Variants in PRIMA1 observed in about 807,000 individuals in gnomAD.
PRIMA1 encodes proline-rich membrane anchor 1.
A neutral mutation model predicts 17.5 loss-of-function variants in PRIMA1; 7 were observed. That is an observed-to-expected ratio of 0.40 (90% confidence interval 0.23 to 0.75). The LOEUF (loss-of-function observed/expected upper bound fraction) is 0.75, where lower values mean the gene tolerates loss of function less well. Ranked by LOEUF, PRIMA1 falls within the 30% of genes least tolerant of loss-of-function variation. The pLI is 0.37. For missense variants in PRIMA1, 200 were observed against 201.8 expected (o/e 0.99, Z 0.05); for synonymous variants, 97 against 77.9 (o/e 1.25, Z -1.29).
At chr14:93,745,233 C>T (rs150379574) in intron 3 of PRIMA1, among the ~76,000 whole-genome samples, 9 of 152,282 alleles carry the variant, frequency 5.9e-5, no homozygotes, top group Admixed American at 2.0e-4. Context: ...ATATGCATAA[C>T]GCCTTGGTCA....
intron 3 of PRIMA1, among the ~76,000 whole-genome samples, chr14:93,739,114 A>C (rs7153800): frequency 0.68 from 103,052 of 151,138 alleles, 36,952 homozygotes; most frequent in Non-Finnish European, 0.81. Context: ...GTGCAGTGGC[A>C]CGATCTCAGC....
At chr14:93,761,823 C>T (rs992856720) in intron 3 of PRIMA1, among the ~76,000 whole-genome samples, 12 of 152,344 alleles carry the variant, frequency 7.9e-5, no homozygotes, top group African/African-American at 2.9e-4. Flanking sequence ...TCCCGCTGGA[C>T]ACCCAGATTC....
chr14:93,787,020 T>G (rs965452111), intron 2 of PRIMA1, among the ~76,000 whole-genome samples: 2 of 133,708 alleles, frequency 1.5e-5, no homozygotes, highest in African/African-American at 5.9e-5. Context: ...CGATGCGCAT[T>G]CTGGGGGGGA....
chr14:93,766,310 G>A (rs2141183727), intron 3 of PRIMA1, among the ~76,000 whole-genome samples: 1 of 152,314 alleles, frequency 6.6e-6, no homozygotes, highest in Admixed American at 6.5e-5. Flanking sequence ...AAAGACCTGG[G>A]TCTGGGTCCC....
At chr14:93,762,210 C>T (rs11848739) in intron 3 of PRIMA1, among the ~76,000 whole-genome samples, 20,895 of 152,208 alleles carry the variant, frequency 0.14, 2,338 homozygotes, top group African/African-American at 0.31. Flanking sequence ...GAAGCTCTCT[C>T]GACTTTGCAC....
rs148248935 is a variant in PRIMA1 at position 93,770,897 on chromosome 14, C to A, written c.229+8279G>T. Among the ~76,000 whole-genome samples, 407 of 152,286 alleles carry A rather than the reference C, an allele frequency of 2.7e-3. 1 individual carries two copies. Among genetic ancestry groups the A allele is most frequent in the Non-Finnish European group, 4.0e-3 (272 of 68,036 alleles). ...TACGGAGGACTCATGACATGCCAGGCACGTGCTAAATATCTGGGGCTATCA... is the reference window on the plus strand; with the variant it reads ...TACGGAGGACTCATGACATGCCAGGAACGTGCTAAATATCTGGGGCTATCA... On this transcript the variant is annotated intron_variant, in intron 3 of 4. Coordinates refer to ENST00000393140, the MANE Select transcript of PRIMA1 (RefSeq NM_178013.4).
rs916993570 is a variant in PRIMA1, at chr14:93,720,339, C to T, written c.*1105G>A. 8.5e-5 allele frequency: 13 copies of T among 152,274 alleles called. No individual in the cohort carries two copies. Among genetic ancestry groups the T allele is most frequent in the Non-Finnish European group, 1.8e-4 (12 of 68,060 alleles). 9.4% of individuals were successfully genotyped at this position (152,274 alleles called of 1,614,324 possible). On this transcript the variant is annotated 3_prime_UTR_variant, in exon 5 of 5. Transcript: ENST00000393140. ...TTCATCCCTTGATCCTCCAACCACGCTGGAGGGCTCAGCGCTTCTATAGCA... is the reference window on the plus strand; with the variant it reads ...TTCATCCCTTGATCCTCCAACCACGTTGGAGGGCTCAGCGCTTCTATAGCA...
At chr14:93,763,327 G>C (rs1884791794) in intron 3 of PRIMA1, among the ~76,000 whole-genome samples, 1 of 152,092 alleles carries the variant, frequency 6.6e-6, no homozygotes, top group Non-Finnish European at 1.5e-5. Flanking sequence ...GGGGGTCCCT[G>C]GTCATCTCTG....
At chr14:93,783,476 G>A (rs1466374996) in intron 2 of PRIMA1, among the ~76,000 whole-genome samples, 3 of 151,990 alleles carry the variant, frequency 2.0e-5, no homozygotes, top group Non-Finnish European at 4.4e-5. Context: ...CCAATAGAGA[G>A]GAAGCCTCGG....
At chr14:93,779,714 C>T (rs985400696) in intron 2 of PRIMA1, among the ~76,000 whole-genome samples, 15 of 152,168 alleles carry the variant, frequency 9.9e-5, no homozygotes, top group African/African-American at 3.1e-4. Flanking sequence ...TAAGCCCAAC[C>T]GCTTCTCCTG....
intron 3 of PRIMA1, among the ~76,000 whole-genome samples, chr14:93,775,058 C>T (rs2141190422): frequency 6.6e-6 from 1 of 152,342 alleles, no homozygotes; most frequent in East Asian, 1.9e-4. Context: ...TGGATAAGTC[C>T]CTGTGTGACT....
chr14:93,754,876 C>T (rs2076281437), intron 3 of PRIMA1, among the ~76,000 whole-genome samples: 1 of 152,134 alleles, frequency 6.6e-6, no homozygotes, highest in African/African-American at 2.4e-5. Flanking sequence ...GTCATACAGA[C>T]AGGGTGACGC....
intron 3 of PRIMA1, among the ~76,000 whole-genome samples, chr14:93,752,869 C>T (rs985617404): frequency 2.0e-5 from 3 of 152,208 alleles, no homozygotes; most frequent in Admixed American, 6.5e-5. Flanking sequence ...GAGTGGTGAC[C>T]TTGGGCTAGG....
chr14:93,754,375 T>A (rs1175683136), intron 3 of PRIMA1, among the ~76,000 whole-genome samples: 1 of 149,262 alleles, frequency 6.7e-6, no homozygotes, highest in African/African-American at 2.4e-5. Context: ...GCTACTAGAT[T>A]TTTAGCAGCA....
At position 93,758,561 on chromosome 14, in the gene PRIMA1, T is replaced by C. The variant is rs1009095622; in HGVS notation, c.229+20615A>G. Among the ~76,000 whole-genome samples the C allele has an allele frequency of 1.1e-4, 15 of 135,552 alleles. 2 individuals carry two copies. Among genetic ancestry groups the C allele is most frequent in the Admixed American group, 1.1e-3 (13 of 12,064 alleles). 88.9% of individuals were successfully genotyped at this position (135,552 alleles called of 152,430 possible). On this transcript the variant is annotated intron_variant, in intron 3 of 4. Transcript: ENST00000393140. Reference sequence around the variant, plus strand: ...TTGCAGTGAGCCAAGATTGCACCACTGCACTCCAGCGTGGGCAACAGAGCA... The same window carrying C: ...TTGCAGTGAGCCAAGATTGCACCACCGCACTCCAGCGTGGGCAACAGAGCA...
chr14:93,748,501 C>A (rs913522470), intron 3 of PRIMA1, among the ~76,000 whole-genome samples: 1 of 152,160 alleles, frequency 6.6e-6, no homozygotes, highest in Admixed American at 6.5e-5. Context: ...CTGAGCCCGA[C>A]AGGGTGCAGG....
At position 93,763,009 on chromosome 14, in the gene PRIMA1, C is replaced by T. The variant is rs536371341; in HGVS notation, c.229+16167G>A. 3.3e-5 allele frequency among the ~76,000 whole-genome samples: 5 copies of T among 152,310 alleles called. No homozygotes were observed. In the East Asian group the frequency reaches 9.7e-4, roughly 29 times the overall value. ...CTTCAGATTGCCACCTGACCCGACC[C>T]CAGCTTGTTCTGCTGCATGCTTCCT... On this transcript the variant is annotated intron_variant, in intron 3 of 4. Transcript: ENST00000393140.
At chr14:93,741,547 G>A (rs1316902772) in intron 3 of PRIMA1, among the ~76,000 whole-genome samples, 1 of 152,244 alleles carries the variant, frequency 6.6e-6, no homozygotes, top group Admixed American at 6.5e-5. Context: ...GGATCTGGGA[G>A]TACAAAGATA....
chr14:93,768,684 G>A (rs1452094063), intron 3 of PRIMA1, among the ~76,000 whole-genome samples: 1 of 152,086 alleles, frequency 6.6e-6, no homozygotes, highest in African/African-American at 2.4e-5. Context: ...ATTAAAATAT[G>A]TATAAACTTG....
Sources: allele counts gnomAD v4.1 joint callset (sites outside exome capture counted in the v4.1 genomes callset), GRCh38; gene constraint gnomAD v4.1.1; transcripts MANE v1.5; gene names NCBI Gene and HGNC (gene_info 2026-07-23, HGNC 2026-07-21).